RUFY3: variants seen among roughly 807,000 people sequenced by gnomAD.
RUFY3 encodes protein RUFY3.
A neutral mutation model predicts 84.0 loss-of-function variants in RUFY3; 34 were observed. The observed-to-expected ratio is 0.40, with a 90% CI of 0.31 to 0.54. RUFY3 has a LOEUF of 0.54. RUFY3 is among the 20% of genes least tolerant of loss of function. The pLI is 0.39. For synonymous variants in RUFY3, 242 were observed against 252.9 expected, an observed-to-expected ratio of 0.96 and a Z score of 0.41; for missense variants, 507 against 736.8, an observed-to-expected ratio of 0.69 and a Z score of 3.61.
intron 15 of RUFY3, among the ~76,000 whole-genome samples, chr4:70,802,571 A>G (rs1264311526): frequency 6.6e-6 from 1 of 152,232 alleles, no homozygotes; most frequent in Non-Finnish European, 1.5e-5. Flanking sequence ...ATAATGGATA[A>G]TGGATAGATT....
chr4:70,714,035 C>A (rs1165302053), intron 1 of RUFY3, among the ~76,000 whole-genome samples: 4 of 152,196 alleles, frequency 2.6e-5, no homozygotes, highest in Non-Finnish European at 5.9e-5. Flanking sequence ...CCATGCTAAG[C>A]ATTTAACTCC....
At position 70,704,961 on chromosome 4, in the gene RUFY3, AC is replaced by A. The variant is rs1417856467; in HGVS notation, c.27del (p.Ala10LeufsTer95). On this transcript the variant is annotated frameshift_variant, in exon 1 of 12. Coordinates refer to the RUFY3 transcript ENST00000417478. LOFTEE classifies it high-confidence loss of function. ...CATGGCTGAGACCCCGCCGCCGCCC[AC>A]CGCTGGTGCCGAAAGTTGCAGCGAG... 3 of 1,225,576 alleles carry A rather than the reference AC, an allele frequency of 2.4e-6. No individual in the cohort carries two copies. Among genetic ancestry groups the A allele is most frequent in the Non-Finnish European group, 3.0e-6 (3 of 985,806 alleles). 75.9% of individuals were successfully genotyped at this position (1,225,576 alleles called of 1,614,324 possible).
At chr4:70,775,937 T>G (rs1353332285) in intron 7 of RUFY3, among the ~76,000 whole-genome samples, 2 of 58,876 alleles carry the variant, frequency 3.4e-5, no homozygotes, top group East Asian at 5.0e-4. Context: ...CGAGACACTG[T>G]CTTAAACAAA....
exon 1 of RUFY3, chr4:70,705,201 T>C: frequency 6.8e-7 from 1 of 1,461,908 alleles, no homozygotes; most frequent in Non-Finnish European, 9.0e-7. Context: ...GCAGCGCTCC[T>C]GGAGGACCCC....
chr4:70,798,100 C>T (rs1303032460), intron 14 of RUFY3, among the ~76,000 whole-genome samples: 5 of 152,138 alleles, frequency 3.3e-5, no homozygotes, highest in Non-Finnish European at 7.3e-5. Flanking sequence ...AGCTGGGTGG[C>T]TCACACCTGT....
intron 1 of RUFY3, chr4:70,741,573 T>C: frequency 5.5e-6 from 8 of 1,448,106 alleles, no homozygotes; most frequent in Non-Finnish European, 2.8e-6. Flanking sequence ...CTTTTCTTTC[T>C]GGGCTTGCAT....
At chr4:70,802,265 A>G (rs1173914712) in intron 15 of RUFY3, among the ~76,000 whole-genome samples, 1 of 152,150 alleles carries the variant, frequency 6.6e-6, no homozygotes, top group Non-Finnish European at 1.5e-5. Flanking sequence ...AACATCGGAA[A>G]ACCTGGTCAC....
At chr4:70,748,486 G>T (rs1338508233) in intron 1 of RUFY3, among the ~76,000 whole-genome samples, 2 of 152,218 alleles carry the variant, frequency 1.3e-5, no homozygotes, top group Non-Finnish European at 2.9e-5. Context: ...ATTCCAGGGA[G>T]TTAAACTAAG....
At chr4:70,775,263 T>A in intron 7 of RUFY3, 30 bp downstream of exon 7, 1 of 1,400,158 alleles carries the variant, frequency 7.1e-7, no homozygotes, top group East Asian at 2.4e-5. Context: ...ATTACTTTAC[T>A]GGGGAATTGT....
At chr4:70,758,989 G>A (rs1724523658) in intron 1 of RUFY3, among the ~76,000 whole-genome samples, 2 of 151,776 alleles carry the variant, frequency 1.3e-5, no homozygotes, top group Admixed American at 1.3e-4. Context: ...AGTGAGCCGA[G>A]ATCGTGCCAC....
In RUFY3 at chr4:70,800,132, T is replaced by C. The variant is rs1205351983; in HGVS notation, c.1558-9T>C. ...ATAATTAATAAATTGGGCTGTTTTC[T>C]TTTGGCAGGATGGGAAGCACAAAAT... On this transcript the variant is annotated splice_polypyrimidine_tract_variant and intron_variant, in intron 14 of 17. Coordinates refer to ENST00000381006, the MANE Select transcript of RUFY3 (RefSeq NM_001037442.4). 2 of 1,600,634 alleles carry C rather than the reference T, an allele frequency of 1.2e-6. No homozygotes were observed. Among genetic ancestry groups the C allele is most frequent in the Non-Finnish European group, 1.7e-6 (2 of 1,176,774 alleles).
chr4:70,784,311 C>T (rs555003095), intron 9 of RUFY3, among the ~76,000 whole-genome samples: 21 of 152,206 alleles, frequency 1.4e-4, no homozygotes, highest in African/African-American at 4.6e-4. Flanking sequence ...GGTGAAACCC[C>T]GTCTCTACTA....
chr4:70,788,762 T>C, intron 10 of RUFY3, 44 bp from the exon 11 acceptor site: 3 of 1,602,116 alleles, frequency 1.9e-6, no homozygotes, highest in East Asian at 2.2e-5. Flanking sequence ...TTGTACTTAG[T>C]TGAAGGAACA....
At chr4:70,776,875 T>G (rs1164908056) in intron 7 of RUFY3, among the ~76,000 whole-genome samples, 5 of 152,276 alleles carry the variant, frequency 3.3e-5, no homozygotes, top group Non-Finnish European at 7.3e-5. Flanking sequence ...CAAAAGATTT[T>G]CTAAGGGCCA....
At chr4:70,801,661 G>T (rs535401182) in intron 15 of RUFY3, among the ~76,000 whole-genome samples, 1 of 152,340 alleles carries the variant, frequency 6.6e-6, no homozygotes, top group South Asian at 2.1e-4. Flanking sequence ...AAAAGTAGCT[G>T]CTGGAGAAGA....
At chr4:70,741,303 G>C (rs905986446) in intron 1 of RUFY3, among the ~76,000 whole-genome samples, 1 of 152,194 alleles carries the variant, frequency 6.6e-6, no homozygotes, top group Admixed American at 6.5e-5. Flanking sequence ...CCTACACTTA[G>C]AATACAAAGA....
Position 70,771,521 on chromosome 4 carries a change from G to T in RUFY3, c.697-1990G>T, listed in dbSNP as rs112676249. 3.3e-5 allele frequency among the ~76,000 whole-genome samples: 5 copies of T among 152,122 alleles called. 1 individual carries two copies. The highest frequency in any genetic ancestry group is 4.1e-4 in the South Asian group (2 of 4,826). ...ACACATATTTTGTATATTATAAATAGTTATATTTATATTTATTTTATTTTA... is the reference window on the plus strand; with the variant it reads ...ACACATATTTTGTATATTATAAATATTTATATTTATATTTATTTTATTTTA... On this transcript the variant is annotated intron_variant, in intron 5 of 17. Coordinates refer to ENST00000381006, the MANE Select transcript of RUFY3 (RefSeq NM_001037442.4).
At chr4:70,764,264 A>G (rs1428189529) in intron 3 of RUFY3, among the ~76,000 whole-genome samples, 1 of 152,220 alleles carries the variant, frequency 6.6e-6, no homozygotes, top group Admixed American at 6.5e-5. Flanking sequence ...AGTTACATTC[A>G]GTAATTCTTT....
rs182270268 is a variant in RUFY3 at position 70,716,672 on chromosome 4, C to T, written c.358+11378C>T. Among the ~76,000 whole-genome samples the T allele has an allele frequency of 2.8e-3, 425 of 151,582 alleles. 2 individuals carry two copies. Among genetic ancestry groups the T allele is most frequent in the African/African-American group, 9.3e-3 (384 of 41,338 alleles). On this transcript the variant is annotated intron_variant, in intron 1 of 11. Coordinates refer to the RUFY3 transcript ENST00000417478. ...CAGCCTGGCCAAGATGGTGAAACCC[C>T]ATCTCTACTAAAAATACAAAAATTA...
Sources: allele counts gnomAD v4.1 joint callset (sites outside exome capture counted in the v4.1 genomes callset), GRCh38; gene constraint gnomAD v4.1.1; transcripts MANE v1.5; gene names NCBI Gene and HGNC (gene_info 2026-07-23, HGNC 2026-07-21).